The following SUFU variants were observed in gnomAD, a reference collection of about 807,000 sequenced individuals.
SUFU encodes the protein SUFU negative regulator of hedgehog signaling, also known as suppressor of fused homolog.
SUFU carries 7 observed loss-of-function variants against 58.9 expected under a neutral mutation model. The ratio of observed to expected loss-of-function variants is 0.12; its 90% CI spans 0.07 to 0.22. The LOEUF (loss-of-function observed/expected upper bound fraction) is 0.22, where lower values mean the gene tolerates loss of function less well. Ranked by LOEUF, SUFU falls within the 10% of genes least tolerant of loss-of-function variation. SUFU has a pLI of 1.00. For missense variants in SUFU, 451 were observed against 641.3 expected (o/e 0.70, Z 3.20); for synonymous variants, 232 against 254.8 (o/e 0.91, Z 0.85).
Position 102,630,466 on chromosome 10 carries a change from C to G in SUFU, c.*311C>G. The G allele has an allele frequency of 2.1e-6, 1 of 475,026 alleles. No homozygotes were observed. Among genetic ancestry groups the G allele is most frequent in the South Asian group, 2.1e-5 (1 of 48,530 alleles). 29.4% of individuals were successfully genotyped at this position (475,026 alleles called of 1,614,324 possible). A position where few individuals can be genotyped will look rare whatever the true frequency, so the allele number is the denominator to read the frequency against. ...TTTGAGGTTTGACTCTGGACCCTGG[C>G]TGTGCCCCTAGGTGGAGACAGCCCT... On this transcript the variant is annotated 3_prime_UTR_variant, in exon 12 of 12. Transcript: ENST00000369902.
chr10:102,605,227 T>C (rs2063552193), intron 8 of SUFU, among the ~76,000 whole-genome samples: 2 of 151,556 alleles, frequency 1.3e-5, no homozygotes, highest in Non-Finnish European at 2.9e-5. Flanking sequence ...AAATATTGCA[T>C]TTTTAAACTG....
At chr10:102,522,638 C>A (rs1455576359) in intron 2 of SUFU, among the ~76,000 whole-genome samples, 2 of 152,212 alleles carry the variant, frequency 1.3e-5, no homozygotes, top group Admixed American at 6.5e-5. Context: ...TAACTTAATA[C>A]TACTGTATGT....
At chr10:102,527,015 G>A (rs943666585) in intron 2 of SUFU, among the ~76,000 whole-genome samples, 3 of 35,468 alleles carry the variant, frequency 8.5e-5, no homozygotes, top group Non-Finnish European at 1.2e-4. Flanking sequence ...TTTTTTTTTT[G>A]AGATGGAGTC....
rs189947150 is a variant in SUFU, at chr10:102,558,407, C to T, written c.454+8301C>T. ...TAAACTTTTTGTAGAGACAGGGTCT[C>T]GCTGTTGCCCAGGTTTTAGTCTTGA... On this transcript the variant is annotated intron_variant, in intron 3 of 11. Coordinates refer to ENST00000369902, the MANE Select transcript of SUFU (RefSeq NM_016169.4). 4.4e-3 allele frequency among the ~76,000 whole-genome samples: 669 copies of T among 152,268 alleles called. 7 individuals are homozygous for T. Among genetic ancestry groups the T allele is most frequent in the African/African-American group, 0.015 (636 of 41,554 alleles).
chr10:102,612,827 A>G (rs1179356342), intron 8 of SUFU, among the ~76,000 whole-genome samples: 1 of 152,200 alleles, frequency 6.6e-6, no homozygotes, highest in Non-Finnish European at 1.5e-5. Context: ...CCTAAGCCTC[A>G]GTTACCTCCT....
At chr10:102,592,486 G>A in intron 3 of SUFU, 96 bp from the exon 4 acceptor site, 8 of 1,465,572 alleles carry the variant, frequency 5.5e-6, no homozygotes, top group Non-Finnish European at 6.6e-6. Flanking sequence ...TAAGAGGCTG[G>A]GAAGCCTCCC....
At chr10:102,593,801 C>G in intron 5 of SUFU, 80 bp downstream of exon 5, 1 of 1,486,230 alleles carries the variant, frequency 6.7e-7, no homozygotes. Flanking sequence ...ATGTGGGGCT[C>G]CCTCTTGCGT....
chr10:102,509,140 C>T lies in SUFU; in HGVS notation c.183-29C>T, dbSNP rs770187128. On this transcript the variant is annotated intron_variant, in intron 1 of 11. Coordinates refer to ENST00000369902, the MANE Select transcript of SUFU (RefSeq NM_016169.4). The stretch of plus-strand genomic sequence containing the variant: ...ACATTGTCTGATTTCCAGGCTTACA[C>T]TAACACCCCTGTGTTTTGTTTTTTG... 6 of 1,613,374 alleles carry T rather than the reference C, an allele frequency of 3.7e-6. No homozygotes were observed. In the African/African-American group the frequency reaches 4.0e-5, roughly 11 times the overall value.
chr10:102,554,602 T>C (rs916594027), intron 3 of SUFU, among the ~76,000 whole-genome samples: 1 of 152,262 alleles, frequency 6.6e-6, no homozygotes, highest in Non-Finnish European at 1.5e-5. Flanking sequence ...TTGATTTCAC[T>C]GCATAGTTAG....
intron 2 of SUFU, among the ~76,000 whole-genome samples, chr10:102,532,281 T>C (rs2062685721): frequency 6.6e-6 from 1 of 152,208 alleles, no homozygotes; most frequent in African/African-American, 2.4e-5. Flanking sequence ...GAACTTTCAC[T>C]GGCTTAACCC....
chr10:102,625,472 G>A lies in SUFU; in HGVS notation c.1297-1703G>A, dbSNP rs2063777187. 6.6e-6 allele frequency among the ~76,000 whole-genome samples: 1 copy of A among 152,098 alleles called. No homozygotes were observed. The highest frequency in any genetic ancestry group is 1.5e-5 in the Non-Finnish European group (1 of 68,012). ...CTTGTCTCCTTGCCAGCCAAAAGAG[G>A]GTGCTTGTCCTGGTGGGAAATGAGC... On this transcript the variant is annotated intron_variant, in intron 10 of 11. Coordinates refer to ENST00000369902, the MANE Select transcript of SUFU (RefSeq NM_016169.4). The surrounding 1 kb of genome is among the most constrained non-coding windows in gnomAD (Gnocchi z 4.7).
At position 102,630,255 on chromosome 10, in the gene SUFU, CAA is replaced by C; in HGVS notation, c.*101_*102del. On this transcript the variant is annotated 3_prime_UTR_variant, in exon 12 of 12. Transcript: ENST00000369902. ...AACGAGATCTCCACAAATAAAAGGA[CAA>C]GTGTGAGGAAGACTGCGCAGTGCCA... is the stretch of plus-strand genomic sequence containing the variant. The C allele has an allele frequency of 9.0e-7, 1 of 1,105,926 alleles. No homozygotes were observed. Among genetic ancestry groups the C allele is most frequent in the South Asian group, 1.2e-5 (1 of 80,098 alleles). The allele number at this position is 1,105,926 out of a possible 1,614,324, so 68.5% of individuals were successfully genotyped here.
chr10:102,589,671 C>A (rs946176112), intron 3 of SUFU, among the ~76,000 whole-genome samples: 2 of 151,776 alleles, frequency 1.3e-5, no homozygotes, highest in East Asian at 3.9e-4. Context: ...GTCTCAGACT[C>A]CTGACCTCAG....
intron 3 of SUFU, among the ~76,000 whole-genome samples, chr10:102,568,919 T>TATAC (rs2063127845): frequency 1.5e-4 from 2 of 13,440 alleles, no homozygotes; most frequent in African/African-American, 7.3e-4. Context: ...TATATATATA[T>TATAC]ACACATATAT....
chr10:102,577,080 CT>C (rs10656431), intron 3 of SUFU, among the ~76,000 whole-genome samples: 1 of 97,086 alleles, frequency 1.0e-5, no homozygotes, highest in Non-Finnish European at 2.2e-5. Flanking sequence ...TGGATTTTTT[CT>C]TTTCTTTTTT....
At chr10:102,556,748 AAAG>A (rs1286190100) in intron 3 of SUFU, among the ~76,000 whole-genome samples, 6 of 69,028 alleles carry the variant, frequency 8.7e-5, no homozygotes, top group Admixed American at 1.9e-4. Context: ...AAAAAAAAAA[AAAG>A]GAAGGGAGGG....
At chr10:102,618,931 C>CATGTGT (rs1554854955) in intron 10 of SUFU, 1 of 573,972 alleles carries the variant, frequency 1.7e-6, no homozygotes, top group Non-Finnish European at 3.0e-6. Flanking sequence ...CCTCAGGTAG[C>CATGTGT]GTGTGTGTGT....
intron 2 of SUFU, among the ~76,000 whole-genome samples, chr10:102,520,471 C>T (rs931155255): frequency 3.3e-5 from 5 of 152,010 alleles, no homozygotes; most frequent in East Asian, 1.9e-4. Context: ...CCAACCACCT[C>T]GGCCTCCCAA....
chr10:102,601,883 C>T (rs567067295), intron 8 of SUFU, among the ~76,000 whole-genome samples: 1 of 152,306 alleles, frequency 6.6e-6, no homozygotes, highest in South Asian at 2.1e-4. Flanking sequence ...ATTTTGTCTG[C>T]GGGTCTGATT....
Sources: allele counts gnomAD v4.1 joint callset (sites outside exome capture counted in the v4.1 genomes callset), GRCh38; gene constraint gnomAD v4.1.1; non-coding constraint Gnocchi (gnomAD v3.1); transcripts MANE v1.5; gene names NCBI Gene and HGNC (gene_info 2026-07-23, HGNC 2026-07-21).